The following TECPR2 variants were observed in gnomAD, a reference collection of about 807,000 sequenced individuals.
The protein encoded by TECPR2 is tectonin beta-propeller repeat-containing protein 2.
TECPR2 carries 65 observed loss-of-function variants against 138.1 expected under a neutral mutation model. The observed-to-expected ratio is 0.47, with a 90% CI of 0.39 to 0.58. The LOEUF (loss-of-function observed/expected upper bound fraction) is 0.58. TECPR2 is among the 20% of genes least tolerant of loss of function. The pLI is 0.00. For synonymous variants in TECPR2, 746 were observed against 749.8 expected (o/e 0.99, Z 0.08); for missense variants, 1,553 against 1,824.5 (o/e 0.85, Z 2.71).
At chr14:102,441,068 GCT>G (rs1259443839) in intron 11 of TECPR2, among the ~76,000 whole-genome samples, 4 of 151,772 alleles carry the variant, frequency 2.6e-5, no homozygotes, top group Non-Finnish European at 5.9e-5. Context: ...GAAATAATTT[GCT>G]CTTTTTTATT....
chr14:102,407,995 T>TA (rs1888710092), intron 3 of TECPR2, among the ~76,000 whole-genome samples: 1 of 145,700 alleles, frequency 6.9e-6, no homozygotes, highest in South Asian at 2.2e-4. Context: ...AGACTCCATC[T>TA]AAAAAAAGAA....
At chr14:102,381,440 G>A (rs1887815000) in intron 2 of TECPR2, among the ~76,000 whole-genome samples, 1 of 152,230 alleles carries the variant, frequency 6.6e-6, no homozygotes, top group African/African-American at 2.4e-5. Context: ...CGGGAATAGT[G>A]GCTCATGCCT....
At chr14:102,459,065 A>G (rs1193756089) in intron 16 of TECPR2, among the ~76,000 whole-genome samples, 1 of 151,442 alleles carries the variant, frequency 6.6e-6, no homozygotes, top group East Asian at 1.9e-4. Context: ...ACAGGCAGAG[A>G]CCAATTGCTT....
intron 5 of TECPR2, among the ~76,000 whole-genome samples, chr14:102,416,437 A>G (rs1396178209): frequency 6.6e-6 from 1 of 152,110 alleles, no homozygotes; most frequent in East Asian, 1.9e-4. Flanking sequence ...ACACCTTCTT[A>G]ATCCCATCAA....
chr14:102,421,260 C>T (rs115616685), intron 5 of TECPR2, among the ~76,000 whole-genome samples: 1,639 of 152,256 alleles, frequency 0.011, 27 homozygotes, highest in African/African-American at 0.034. Context: ...TCCTCTGGTT[C>T]GCTCTATTTA....
chr14:102,453,878 G>C (rs1890214376), intron 16 of TECPR2, among the ~76,000 whole-genome samples: 1 of 151,616 alleles, frequency 6.6e-6, no homozygotes, highest in Admixed American at 6.6e-5. Flanking sequence ...GCTGGGCACA[G>C]TGGCTAATGC....
intron 17 of TECPR2, among the ~76,000 whole-genome samples, chr14:102,474,527 G>A (rs974992604): frequency 2.6e-5 from 4 of 152,302 alleles, no homozygotes; most frequent in Admixed American, 1.3e-4. Context: ...AGGAGGCTGA[G>A]GCAGGAGAAT....
rs971202302 is a variant in TECPR2 at position 102,431,984 on chromosome 14, C to G, written c.1273C>G (p.Pro425Ala). 6.2e-7 allele frequency: 1 copy of G among 1,612,964 alleles called. No individual in the cohort carries two copies. The highest frequency in any genetic ancestry group is 1.1e-5 in the South Asian group (1 of 91,074). The change falls in exon 8 of 20, where the codon CCT becomes GCT. Residue 425 changes from proline to alanine, a missense_variant. By Grantham distance (27) the Pro-to-Ala change is conservative. Coordinates refer to ENST00000359520, the MANE Select transcript of TECPR2 (RefSeq NM_014844.5). ...STDSGSGLLPPGLQATPELGK... is the reference protein window; with the variant it reads ...STDSGSGLLPAGLQATPELGK... ...CGACAGCGGCTCCGGGCTCCTGCCC[C>G]CTGGGCTCCAGGCCACCCCTGAGCT...
intron 17 of TECPR2, among the ~76,000 whole-genome samples, chr14:102,468,161 A>T (rs1469424637): frequency 6.6e-6 from 1 of 151,172 alleles, no homozygotes; most frequent in East Asian, 2.0e-4. Flanking sequence ...TCTTTTGCTC[A>T]TTTTTAAATT....
chr14:102,379,362 G>A (rs1463185419), intron 2 of TECPR2, among the ~76,000 whole-genome samples: 1 of 151,844 alleles, frequency 6.6e-6, no homozygotes, highest in Non-Finnish European at 1.5e-5. Flanking sequence ...TAAAATCCAT[G>A]CACAGAGGCG....
chr14:102,493,199 C>T lies in TECPR2; in HGVS notation c.3790-3780C>T, dbSNP rs543028580. 1.2e-4 allele frequency among the ~76,000 whole-genome samples: 18 copies of T among 152,366 alleles called. No individual in the cohort carries two copies. The East Asian group carries it at 2.3e-3, about 20-fold the overall frequency. On this transcript the variant is annotated intron_variant, in intron 17 of 19. Transcript: ENST00000359520. ...AAGCTAGCTGCTTCAAACCACAGCG[C>T]GTCTCAGCTCTGGGCCAGGACTACG...
Position 102,407,336 on chromosome 14 carries a change from A to G in TECPR2, c.220-2A>G, listed in dbSNP as rs761285440. The G allele has an allele frequency of 1.3e-6, 2 of 1,595,060 alleles. No individual in the cohort carries two copies. The highest frequency in any genetic ancestry group is 2.2e-5 in the East Asian group (1 of 44,558). ...ATTCATTTGTTTTCAACGTTTCCCC[A>G]GGGGAAGACGGAATCTATCACTGTG... On this transcript the variant is annotated splice_acceptor_variant, in intron 2 of 19. Transcript: ENST00000359520. LOFTEE classifies it high-confidence loss of function.
At chr14:102,409,283 G>A (rs1464384872) in intron 4 of TECPR2, among the ~76,000 whole-genome samples, 1 of 151,834 alleles carries the variant, frequency 6.6e-6, no homozygotes, top group African/African-American at 2.4e-5. Flanking sequence ...TTCATTCCTA[G>A]AGCACTATAG....
In TECPR2 at chr14:102,443,797, A is replaced by G. The variant is rs1358396511; in HGVS notation, c.2903A>G (p.Glu968Gly). Residue 968 changes from glutamate (E) to glycine (G), a missense_variant, in exon 12 of 20, where the codon GAA (glutamate) becomes GGA (glycine). By Grantham distance (98) the Glu-to-Gly change is moderately conservative. Transcript: ENST00000359520. This position sits in a 1 kb window ranked among gnomAD's most constrained non-coding sequence, Gnocchi z 4.9. ...GAGGGCGTGAGCAGCTTCTGTCCGG[A>G]AGGCGAGCAGTGGAAGTGTGACATT... is the stretch of plus-strand genomic sequence containing the variant. ...YREGVSSFCP[E>G]GEQWKCDIVS... 6.3e-7 allele frequency: 1 copy of G among 1,599,000 alleles called. No homozygotes were observed. Among genetic ancestry groups the G allele is most frequent in the Admixed American group, 1.7e-5 (1 of 58,858 alleles).
At chr14:102,390,010 AT>A (rs1888122727) in intron 2 of TECPR2, among the ~76,000 whole-genome samples, 1 of 152,222 alleles carries the variant, frequency 6.6e-6, no homozygotes, top group African/African-American at 2.4e-5. Context: ...AATTGAATGA[AT>A]TCATATTTGG....
intron 4 of TECPR2, among the ~76,000 whole-genome samples, chr14:102,411,502 C>T (rs925234899): frequency 6.6e-6 from 1 of 152,066 alleles, no homozygotes; most frequent in South Asian, 2.1e-4. Flanking sequence ...TTTCCTGGCT[C>T]ATCCTGGCTC....
intron 17 of TECPR2, among the ~76,000 whole-genome samples, chr14:102,480,185 G>A (rs915269964): frequency 2.3e-4 from 35 of 151,250 alleles, no homozygotes; most frequent in Non-Finnish European, 4.4e-5. Context: ...CAGCAGGTCT[G>A]GGGTGAGGCC....
chr14:102,494,784 A>G (rs558513204), intron 17 of TECPR2, among the ~76,000 whole-genome samples: 1 of 149,016 alleles, frequency 6.7e-6, no homozygotes, highest in East Asian at 2.1e-4. Context: ...AGATCACACC[A>G]TTGCACTCCA....
intron 5 of TECPR2, among the ~76,000 whole-genome samples, chr14:102,417,714 C>T (rs1889063321): frequency 6.6e-6 from 1 of 151,096 alleles, no homozygotes; most frequent in Admixed American, 6.6e-5. Flanking sequence ...CCAGGGGAGC[C>T]GTGGGGAGGC....
Sources: gnomAD v4.1 joint callset for allele counts (sites outside exome capture counted in the v4.1 genomes callset) on GRCh38, gnomAD v4.1.1 for gene constraint, Gnocchi (gnomAD v3.1) non-coding constraint, MANE v1.5 for transcripts, NCBI Gene and HGNC (gene_info 2026-07-23, HGNC 2026-07-21) for gene names.